The following FCHSD2 variants were observed in gnomAD, a reference collection of about 807,000 sequenced individuals.
The protein encoded by FCHSD2 is FCH and double SH3 domains 2.
FCHSD2 carries 38 observed loss-of-function variants against 108.1 expected under a neutral mutation model. That is an observed-to-expected ratio of 0.35 (90% CI 0.27 to 0.46). FCHSD2 has a LOEUF of 0.46. Ranked by LOEUF, FCHSD2 falls within the 20% of genes least tolerant of loss-of-function variation. FCHSD2 has a pLI of 1.00. For missense variants in FCHSD2, 751 were observed against 897.8 expected (o/e 0.84, Z 2.09); for synonymous variants, 279 against 314.7 (o/e 0.89, Z 1.20).
chr11:73,005,654 T>C, intron 4 of FCHSD2, among the ~76,000 whole-genome samples: 1 of 152,176 alleles, frequency 6.6e-6, no homozygotes, highest in East Asian at 1.9e-4. Flanking sequence ...TTATTATTTC[T>C]TTTTTGAGAT....
intron 3 of FCHSD2, among the ~76,000 whole-genome samples, chr11:73,059,105 A>C (rs1268523338): frequency 6.6e-6 from 1 of 152,230 alleles, no homozygotes; most frequent in Non-Finnish European, 1.5e-5. Flanking sequence ...CAAGAAAATG[A>C]GACTACTTTC....
At chr11:73,132,308 C>G (rs1861022566) in intron 2 of FCHSD2, among the ~76,000 whole-genome samples, 1 of 152,188 alleles carries the variant, frequency 6.6e-6, no homozygotes, top group Admixed American at 6.5e-5. Flanking sequence ...AAATACCTAC[C>G]ATTCTTGGCA....
chr11:72,855,043 G>A (rs1052518959), intron 13 of FCHSD2, among the ~76,000 whole-genome samples: 4 of 152,208 alleles, frequency 2.6e-5, no homozygotes, highest in African/African-American at 9.7e-5. Context: ...GGAGGCCGAG[G>A]CAGGCAGTTC....
At chr11:73,100,333 T>TG (rs1292177123) in intron 2 of FCHSD2, among the ~76,000 whole-genome samples, 1 of 120,678 alleles carries the variant, frequency 8.3e-6, no homozygotes, top group African/African-American at 3.5e-5. Flanking sequence ...CTTTACATGC[T>TG]TTTGTTGTTG....
At chr11:73,108,850 C>T (rs1055308778) in intron 2 of FCHSD2, among the ~76,000 whole-genome samples, 7 of 152,198 alleles carry the variant, frequency 4.6e-5, no homozygotes, top group African/African-American at 1.7e-4. Context: ...GGATTACAGG[C>T]GTGAGCCACC....
intron 8 of FCHSD2, chr11:72,940,612 G>A: frequency 6.9e-7 from 1 of 1,444,254 alleles, no homozygotes. Context: ...TCTCCACAGG[G>A]CTCCCCGCCC....
intron 5 of FCHSD2, among the ~76,000 whole-genome samples, chr11:72,992,260 A>T (rs961342655): frequency 2.0e-5 from 3 of 152,232 alleles, no homozygotes; most frequent in Non-Finnish European, 1.5e-5. Flanking sequence ...ATGAAATAAA[A>T]GAGGATACAA....
At chr11:72,854,794 G>A (rs7117334) in intron 13 of FCHSD2, among the ~76,000 whole-genome samples, 3 of 152,150 alleles carry the variant, frequency 2.0e-5, no homozygotes, top group Non-Finnish European at 4.4e-5. Context: ...TGCATGATGG[G>A]GAGTTATTGC....
At chr11:72,839,238 G>A (rs764136221) in intron 19 of FCHSD2, among the ~76,000 whole-genome samples, 17 of 152,186 alleles carry the variant, frequency 1.1e-4, no homozygotes, top group Non-Finnish European at 2.4e-4. Flanking sequence ...CAAAAGAGAA[G>A]GCTAGAAAGG....
rs60223064 is a variant in FCHSD2 at position 73,096,987 on chromosome 11, A to ATTTTTTTTTTTTTTTTTTTT, written c.120-13267_120-13248dup. ...CTAATGTGATGTATTTCATTGATGG[A>ATTTTTTTTTTTTTTTTTTTT]TTTTTTTTTTTTTTTTTTTTTTTTT... On this transcript the variant is annotated intron_variant, in intron 2 of 19. Coordinates refer to ENST00000409418, the MANE Select transcript of FCHSD2 (RefSeq NM_014824.3). Among the ~76,000 whole-genome samples the ATTTTTTTTTTTTTTTTTTTT allele has an allele frequency of 6.7e-3, 180 of 27,034 alleles. 73 individuals carry two copies. The highest frequency in any genetic ancestry group is 8.9e-3 in the African/African-American group (45 of 5,062). 17.7% of individuals were successfully genotyped at this position (27,034 alleles called of 152,430 possible).
intron 2 of FCHSD2, among the ~76,000 whole-genome samples, chr11:73,115,334 C>T (rs1189738510): frequency 1.3e-5 from 2 of 152,184 alleles, no homozygotes; most frequent in African/African-American, 2.4e-5. Context: ...ACTCTCTTTC[C>T]TACCTTCTTC....
At position 73,045,400 on chromosome 11, in the gene FCHSD2, C is replaced by T. The variant is rs1486924776; in HGVS notation, c.166-29515G>A. On this transcript the variant is annotated intron_variant, in intron 3 of 19. Coordinates refer to ENST00000409418, the MANE Select transcript of FCHSD2 (RefSeq NM_014824.3). ...CTAGAACTAGAAATACCATTTGACC[C>T]AGCCATCCCATTACTGGGTATATAC... 1.3e-3 allele frequency among the ~76,000 whole-genome samples: 189 copies of T among 150,970 alleles called. 1 individual carries two copies. Among genetic ancestry groups the T allele is most frequent in the African/African-American group, 4.2e-3 (171 of 41,144 alleles).
chr11:73,051,302 A>C (rs1347273900), intron 3 of FCHSD2, among the ~76,000 whole-genome samples: 1 of 152,190 alleles, frequency 6.6e-6, no homozygotes, highest in Non-Finnish European at 1.5e-5. Context: ...GTGACAGAGT[A>C]AGACTCTAGC....
chr11:73,016,824 C>T (rs1857984698), intron 3 of FCHSD2, among the ~76,000 whole-genome samples: 1 of 152,180 alleles, frequency 6.6e-6, no homozygotes, highest in Non-Finnish European at 1.5e-5. Flanking sequence ...CTATTATCTA[C>T]ACAACACAAA....
chr11:73,008,395 C>T (rs559887012), intron 4 of FCHSD2, among the ~76,000 whole-genome samples: 2 of 151,964 alleles, frequency 1.3e-5, no homozygotes, highest in Admixed American at 1.3e-4. Flanking sequence ...TATATAATAA[C>T]TAGTAACAAG....
chr11:73,076,881 T>C (rs1859566224), intron 3 of FCHSD2, among the ~76,000 whole-genome samples: 1 of 151,928 alleles, frequency 6.6e-6, no homozygotes, highest in Non-Finnish European at 1.5e-5. Context: ...GAGGCCAAGA[T>C]GGGTGGATCA....
At chr11:72,844,355 A>T (rs1041840844) in intron 14 of FCHSD2, among the ~76,000 whole-genome samples, 1 of 152,178 alleles carries the variant, frequency 6.6e-6, no homozygotes, top group African/African-American at 2.4e-5. Flanking sequence ...AAAAGAAAAA[A>T]ATTGTAGGAA....
intron 2 of FCHSD2, among the ~76,000 whole-genome samples, chr11:73,130,269 T>C (rs751437766): frequency 3.3e-5 from 5 of 150,366 alleles, no homozygotes; most frequent in Non-Finnish European, 5.9e-5. Context: ...TTCTTAGAGA[T>C]AGGGTCTTGC....
chr11:73,106,547 A>G (rs1404763664), intron 2 of FCHSD2, among the ~76,000 whole-genome samples: 3 of 152,176 alleles, frequency 2.0e-5, no homozygotes, highest in African/African-American at 7.2e-5. Flanking sequence ...AGGTCTGAAT[A>G]CTACAACTTT....
Sources: gnomAD v4.1 joint callset for allele counts (sites outside exome capture counted in the v4.1 genomes callset) on GRCh38, gnomAD v4.1.1 for gene constraint, MANE v1.5 for transcripts, NCBI Gene and HGNC (gene_info 2026-07-23, HGNC 2026-07-21) for gene names.